Variants in SRBD1 observed in about 807,000 individuals in gnomAD.
SRBD1 encodes the protein S1 RNA-binding domain-containing protein 1.
Under a neutral mutation model 115.3 loss-of-function variants are expected in SRBD1, and 88 were observed. The ratio of observed to expected loss-of-function variants is 0.76; its 90% confidence interval spans 0.64 to 0.91. The LOEUF (loss-of-function observed/expected upper bound fraction) is 0.91, where lower values mean the gene tolerates loss of function less well. Among genes scored for constraint, SRBD1 ranks in the 40% least tolerant of loss-of-function variants. SRBD1 has a pLI of 0.00. For synonymous variants in SRBD1, 509 were observed against 407.7 expected (o/e 1.25, Z -2.99); for missense variants, 1,385 against 1,177.4 (o/e 1.18, Z -2.58).
At chr2:45,413,429 A>T (rs1667665678) in intron 18 of SRBD1, 136 bp from the exon 19 acceptor site, 1 of 970,950 alleles carries the variant, frequency 1.0e-6, no homozygotes, top group South Asian at 1.8e-5. Context: ...TTTACTTCAT[A>T]GAAACTACCA....
At position 45,573,202 on chromosome 2, in the gene SRBD1, T is replaced by C. The variant is rs775897771; in HGVS notation, c.1305+5A>G. ...TCAGCATGCACATGCAGTTTCTTTA[T>C]TTACCTGATGATGGTGAATGTTTCT... On this transcript the variant is annotated splice_donor_5th_base_variant and intron_variant, in intron 9 of 20. Transcript: ENST00000263736. 1.1e-5 allele frequency: 17 copies of C among 1,598,264 alleles called. No individual in the cohort carries two copies. In the African/African-American group the frequency reaches 1.6e-4, roughly 15 times the overall value.
Position 45,445,550 on chromosome 2 carries a change from TAAAAAAA to T in SRBD1, c.2050-25663_2050-25657del, listed in dbSNP as rs59451865. 1.1e-3 allele frequency among the ~76,000 whole-genome samples: 39 copies of T among 37,042 alleles called. 1 individual carries two copies. The highest frequency in any genetic ancestry group is 2.6e-3 in the South Asian group (2 of 776). The allele number at this position is 37,042 out of a possible 152,430, so 24.3% of individuals were successfully genotyped here. The stretch of plus-strand genomic sequence containing the variant: ...CACAGAAGCAATATCTTCCCAGAGG[TAAAAAAA>T]AAAAAAAAAAAAAAAAAAAAAAGTA... On this transcript the variant is annotated intron_variant, in intron 16 of 20. Transcript: ENST00000263736.
chr2:45,441,507 T>C (rs1410573569), intron 16 of SRBD1, among the ~76,000 whole-genome samples: 1 of 152,228 alleles, frequency 6.6e-6, no homozygotes, highest in Non-Finnish European at 1.5e-5. Context: ...CCTTAAGTAC[T>C]GGTTTAGTTG....
intron 9 of SRBD1, among the ~76,000 whole-genome samples, chr2:45,571,453 G>A (rs1434476419): frequency 7.0e-6 from 1 of 143,410 alleles, no homozygotes; most frequent in Non-Finnish European, 1.5e-5. Context: ...AACAAACAGG[G>A]GAGGGGAGAG....
chr2:45,578,702 GC>G (rs780294801), intron 7 of SRBD1, among the ~76,000 whole-genome samples: 1 of 152,162 alleles, frequency 6.6e-6, no homozygotes, highest in East Asian at 1.9e-4. Context: ...GGAGGTGGGG[GC>G]GGGGTGGAAA....
At chr2:45,471,683 A>C (rs1389348823) in intron 16 of SRBD1, among the ~76,000 whole-genome samples, 1 of 152,168 alleles carries the variant, frequency 6.6e-6, no homozygotes, top group Non-Finnish European at 1.5e-5. Context: ...TTTTCATCTT[A>C]TTACAACTTT....
At chr2:45,421,801 G>T (rs532317699) in intron 16 of SRBD1, among the ~76,000 whole-genome samples, 1 of 152,112 alleles carries the variant, frequency 6.6e-6, no homozygotes, top group South Asian at 2.1e-4. Context: ...AAGACTGAAG[G>T]GTACAGGAGC....
intron 14 of SRBD1, among the ~76,000 whole-genome samples, chr2:45,490,440 C>T (rs181140819): frequency 6.6e-6 from 1 of 152,088 alleles, no homozygotes; most frequent in Non-Finnish European, 1.5e-5. Flanking sequence ...TATTTAGCCA[C>T]CACCTATGGA....
intron 19 of SRBD1, among the ~76,000 whole-genome samples, chr2:45,401,258 C>A (rs1667284936): frequency 6.6e-6 from 1 of 152,156 alleles, no homozygotes; most frequent in Admixed American, 6.6e-5. Context: ...ACAGCCTGGG[C>A]AACATAGAGA....
rs1038873652 is a variant in SRBD1, at chr2:45,421,367, C to T, written c.2050-1473G>A. On this transcript the variant is annotated intron_variant, in intron 16 of 20. Transcript: ENST00000263736. Reference sequence around the variant, plus strand: ...CTAAAAATACAAAAAATTAGCCGTGCGCCGTGGCGGACACCTGTAGTCCCA... The same window carrying T: ...CTAAAAATACAAAAAATTAGCCGTGTGCCGTGGCGGACACCTGTAGTCCCA... Among the ~76,000 whole-genome samples the T allele has an allele frequency of 4.6e-5, 7 of 151,614 alleles. No individual in the cohort carries two copies. In the South Asian group the frequency reaches 6.3e-4, roughly 14 times the overall value.
chr2:45,545,861 C>A (rs993786129), intron 14 of SRBD1, among the ~76,000 whole-genome samples: 2 of 152,208 alleles, frequency 1.3e-5, no homozygotes, highest in African/African-American at 2.4e-5. Flanking sequence ...CTGGCCTTTA[C>A]CTTTTGGCCT....
rs183318264 is a variant in SRBD1, at chr2:45,495,874, A to C, written c.1875-7543T>G. The stretch of plus-strand genomic sequence containing the variant: ...TTTATAATTAAAATGGTCTTTGGTC[A>C]ACATTTTGAAATGTATTGGCTTAAA... On this transcript the variant is annotated intron_variant, in intron 14 of 20. Transcript: ENST00000263736. Among the ~76,000 whole-genome samples the C allele has an allele frequency of 2.2e-3, 334 of 152,320 alleles. 1 individual carries two copies. Among genetic ancestry groups the C allele is most frequent in the African/African-American group, 7.6e-3 (316 of 41,572 alleles).
At chr2:45,586,021 A>G (rs1572809480) in intron 4 of SRBD1, among the ~76,000 whole-genome samples, 1 of 152,192 alleles carries the variant, frequency 6.6e-6, no homozygotes, top group Non-Finnish European at 1.5e-5. Context: ...CCAGTGTTCA[A>G]TGAGGGCACT....
At chr2:45,530,539 C>A (rs1443513310) in intron 14 of SRBD1, among the ~76,000 whole-genome samples, 3 of 152,042 alleles carry the variant, frequency 2.0e-5, no homozygotes, top group Non-Finnish European at 1.5e-5. Context: ...TAAGCAATAT[C>A]ATGCTTCACT....
chr2:45,598,075 G>T (rs1673960924), intron 4 of SRBD1, among the ~76,000 whole-genome samples: 1 of 152,194 alleles, frequency 6.6e-6, no homozygotes, highest in Non-Finnish European at 1.5e-5. Context: ...GCCTGGTCTG[G>T]AACCAAGAAC....
At chr2:45,442,997 T>A (rs899016049) in intron 16 of SRBD1, among the ~76,000 whole-genome samples, 13 of 152,142 alleles carry the variant, frequency 8.5e-5, no homozygotes, top group African/African-American at 3.1e-4. Flanking sequence ...AGGAGGGCAA[T>A]CTGGCTGAGA....
At chr2:45,483,542 GA>G (rs1254662183) in intron 15 of SRBD1, among the ~76,000 whole-genome samples, 1 of 152,030 alleles carries the variant, frequency 6.6e-6, no homozygotes, top group East Asian at 1.9e-4. Context: ...TCAGTTCTAT[GA>G]AATATCTAGA....
intron 14 of SRBD1, among the ~76,000 whole-genome samples, chr2:45,492,989 A>G (rs1220482859): frequency 2.6e-5 from 4 of 152,214 alleles, no homozygotes; most frequent in Non-Finnish European, 5.9e-5. Context: ...TAATTACTCA[A>G]CACTGACTGA....
chr2:45,469,672 T>G lies in SRBD1; in HGVS notation c.2049+7321A>C, dbSNP rs374842267. Reference sequence around the variant, plus strand: ...AGGGAAAAATACCCAGAAAAGAAATTTTAAAACTTGAAATTTAAGGAATAA... The same window carrying G: ...AGGGAAAAATACCCAGAAAAGAAATGTTAAAACTTGAAATTTAAGGAATAA... On this transcript the variant is annotated intron_variant, in intron 16 of 20. Transcript: ENST00000263736. 5.9e-5 allele frequency among the ~76,000 whole-genome samples: 9 copies of G among 152,278 alleles called. No individual in the cohort carries two copies. In the South Asian group the frequency reaches 1.0e-3, roughly 18 times the overall value.
Sources: gnomAD v4.1 joint callset for allele counts (sites outside exome capture counted in the v4.1 genomes callset) on GRCh38, gnomAD v4.1.1 for gene constraint, MANE v1.5 for transcripts, NCBI Gene and HGNC (gene_info 2026-07-23, HGNC 2026-07-21) for gene names.